PTPRT: variants seen among roughly 807,000 people sequenced by gnomAD.
PTPRT encodes the protein receptor-type tyrosine-protein phosphatase T.
A neutral mutation model predicts 176.8 loss-of-function variants in PTPRT; 56 were observed. The ratio of observed to expected loss-of-function variants is 0.32; its 90% CI spans 0.26 to 0.40. The LOEUF (loss-of-function observed/expected upper bound fraction) is 0.40. Ranked by LOEUF, PTPRT falls within the 10% of genes least tolerant of loss-of-function variation. PTPRT has a pLI of 1.00. For synonymous variants in PTPRT, 783 were observed against 739.0 expected (o/e 1.06, Z -0.96); for missense variants, 1,540 against 1,908.2 (o/e 0.81, Z 3.60).
chr20:43,182,612 A>G (rs1460461277), intron 1 of PTPRT, among the ~76,000 whole-genome samples: 2 of 152,066 alleles, frequency 1.3e-5, no homozygotes, highest in Non-Finnish European at 2.9e-5. Flanking sequence ...GCTGGTCTTG[A>G]ACTCCTGGCC....
At chr20:42,697,597 T>C (rs4810366) in intron 6 of PTPRT, among the ~76,000 whole-genome samples, 56,375 of 152,020 alleles carry the variant, frequency 0.37, 11,600 homozygotes, top group African/African-American at 0.56. Context: ...ACAGCAAGGA[T>C]TGTTAATTCA....
intron 7 of PTPRT, among the ~76,000 whole-genome samples, chr20:42,566,214 C>A (rs62203784): frequency 0.019 from 2,904 of 152,262 alleles, 39 homozygotes; most frequent in African/African-American, 0.041. Flanking sequence ...TGGCTCACTG[C>A]AACCTCAACC....
chr20:42,907,141 T>C lies in PTPRT; in HGVS notation c.89-21209A>G, dbSNP rs779740647. 7.3e-4 allele frequency among the ~76,000 whole-genome samples: 111 copies of C among 151,806 alleles called. 1 individual carries two copies. Among genetic ancestry groups the C allele is most frequent in the Admixed American group, 1.4e-3 (21 of 15,238 alleles). On this transcript the variant is annotated intron_variant, in intron 1 of 30. Coordinates refer to ENST00000373187, the MANE Select transcript of PTPRT (RefSeq NM_007050.6). ...GAATACAGTAGGAAAGAAAAAGAAA[T>C]CATCATAAACATTTAAAAAGAAGAC...
intron 1 of PTPRT, among the ~76,000 whole-genome samples, chr20:43,055,683 A>C (rs1411867043): frequency 6.6e-6 from 1 of 152,214 alleles, no homozygotes; most frequent in Non-Finnish European, 1.5e-5. Flanking sequence ...GCATTCCTCA[A>C]ACAGCAAGCT....
In PTPRT at chr20:43,046,386, G is replaced by A. The variant is rs377598869; in HGVS notation, c.88+143260C>T. On this transcript the variant is annotated intron_variant, in intron 1 of 30. Transcript: ENST00000373187. ...GATCGAGACCATCCTGGCTAACACC[G>A]TGAAACCCTGTCTCTACTAAAAATA... Among the ~76,000 whole-genome samples, 46 of 152,088 alleles carry A rather than the reference G, an allele frequency of 3.0e-4. No homozygotes were observed. In the East Asian group the frequency reaches 3.9e-3, roughly 13 times the overall value.
At chr20:43,159,596 T>C (rs2014630602) in intron 1 of PTPRT, among the ~76,000 whole-genome samples, 1 of 152,190 alleles carries the variant, frequency 6.6e-6, no homozygotes, top group African/African-American at 2.4e-5. Context: ...CCTTTCCACA[T>C]GAAGGGAAAA....
intron 7 of PTPRT, among the ~76,000 whole-genome samples, chr20:42,478,301 G>C (rs935360260): frequency 3.9e-5 from 6 of 152,162 alleles, no homozygotes; most frequent in Admixed American, 1.3e-4. Context: ...TTGTGTTCAT[G>C]CATGTGTGAC....
intron 1 of PTPRT, among the ~76,000 whole-genome samples, chr20:43,010,223 T>C (rs1277166737): frequency 1.3e-5 from 2 of 152,138 alleles, no homozygotes; most frequent in Non-Finnish European, 2.9e-5. Flanking sequence ...CATCAGCCTG[T>C]CTTCCATTAT....
At chr20:42,087,439 G>C (rs1236603827) in intron 27 of PTPRT, among the ~76,000 whole-genome samples, 1 of 93,722 alleles carries the variant, frequency 1.1e-5, no homozygotes, top group East Asian at 2.3e-4. Flanking sequence ...AGTAGAGACA[G>C]AGCCTCACCG....
intron 7 of PTPRT, among the ~76,000 whole-genome samples, chr20:42,480,306 C>T (rs2071363001): frequency 6.6e-6 from 1 of 152,214 alleles, no homozygotes; most frequent in South Asian, 2.1e-4. Flanking sequence ...GTACTAAATA[C>T]AGTTGCACTC....
chr20:42,121,909 C>T (rs574031591), intron 19 of PTPRT, among the ~76,000 whole-genome samples: 4 of 152,106 alleles, frequency 2.6e-5, no homozygotes, highest in East Asian at 1.9e-4. Context: ...GCAAAAAACT[C>T]CCAGAAACAG....
intron 9 of PTPRT, among the ~76,000 whole-genome samples, chr20:42,431,475 T>C (rs1394921229): frequency 4.6e-5 from 7 of 152,200 alleles, no homozygotes; most frequent in Non-Finnish European, 1.0e-4. Context: ...GGCATCATGA[T>C]TGTGATTAAA....
intron 27 of PTPRT, among the ~76,000 whole-genome samples, chr20:42,092,873 C>A (rs887096855): frequency 6.6e-6 from 1 of 152,246 alleles, no homozygotes; most frequent in Non-Finnish European, 1.5e-5. Context: ...TGCACTCAGG[C>A]ACCCTCACCT....
At chr20:42,328,866 A>G (rs2057923538) in intron 11 of PTPRT, among the ~76,000 whole-genome samples, 1 of 152,136 alleles carries the variant, frequency 6.6e-6, no homozygotes, top group South Asian at 2.1e-4. Context: ...TAAAATTATC[A>G]TTATTCATAG....
intron 1 of PTPRT, among the ~76,000 whole-genome samples, chr20:42,945,376 G>A (rs1275089112): frequency 6.6e-6 from 1 of 152,070 alleles, no homozygotes; most frequent in African/African-American, 2.4e-5. Context: ...CTCTGTTCTG[G>A]AACTAAAGGC....
At position 42,917,546 on chromosome 20, in the gene PTPRT, A is replaced by C. The variant is rs942045730; in HGVS notation, c.89-31614T>G. On this transcript the variant is annotated intron_variant, in intron 1 of 30. Coordinates refer to ENST00000373187, the MANE Select transcript of PTPRT (RefSeq NM_007050.6). ...GGATGGCATTGAATCTATAAATTAC[A>C]TTGGGCAGTATGGCCATTTTCACGA... Among the ~76,000 whole-genome samples, 15 of 152,246 alleles carry C rather than the reference A, an allele frequency of 9.9e-5. No homozygotes were observed. The East Asian group carries it at 2.3e-3, about 24-fold the overall frequency.
chr20:42,987,052 G>A (rs1475964201), intron 1 of PTPRT, among the ~76,000 whole-genome samples: 1 of 152,134 alleles, frequency 6.6e-6, no homozygotes, highest in Non-Finnish European at 1.5e-5. Context: ...AGGCACAAGA[G>A]GCCACAGAAC....
chr20:42,067,093 C>T, the PTPRT span, among the ~76,000 whole-genome samples: 1 of 152,036 alleles, frequency 6.6e-6, no homozygotes, highest in African/African-American at 2.4e-5. Context: ...CCCTTACAAG[C>T]GAAGGTGTGA....
chr20:42,105,045 G>A (rs1416234945), intron 24 of PTPRT, among the ~76,000 whole-genome samples: 2 of 152,126 alleles, frequency 1.3e-5, no homozygotes, highest in African/African-American at 4.8e-5. Context: ...AAGGCTGCTT[G>A]CTGCAAACAC....
Sources: gnomAD v4.1 joint callset for allele counts (sites outside exome capture counted in the v4.1 genomes callset) on GRCh38, gnomAD v4.1.1 for gene constraint, MANE v1.5 for transcripts, NCBI Gene and HGNC (gene_info 2026-07-23, HGNC 2026-07-21) for gene names.